OBI1: variants seen among roughly 807,000 people sequenced by gnomAD.
The protein encoded by OBI1 is ring finger protein 219.
OBI1 carries 59 observed loss-of-function variants against 62.4 expected under a neutral mutation model. The observed-to-expected ratio is 0.95, with a 90% confidence interval of 0.77 to 1.17. The LOEUF (loss-of-function observed/expected upper bound fraction) is 1.17. OBI1 is among the 50% of genes most tolerant of loss of function. The pLI is 0.00. For missense variants in OBI1, 875 were observed against 830.9 expected, an observed-to-expected ratio of 1.05 and a Z score of -0.65; for synonymous variants, 302 against 292.8, an observed-to-expected ratio of 1.03 and a Z score of -0.32.
At chr13:78,623,444 T>G (rs929248921) in intron 5 of OBI1, among the ~76,000 whole-genome samples, 7 of 152,132 alleles carry the variant, frequency 4.6e-5, no homozygotes, top group African/African-American at 1.7e-4. Flanking sequence ...GCTATATGCT[T>G]GATATATATT....
chr13:78,647,425 C>T (rs1876417891), intron 1 of OBI1, among the ~76,000 whole-genome samples: 2 of 152,214 alleles, frequency 1.3e-5, no homozygotes, highest in Non-Finnish European at 2.9e-5. Flanking sequence ...TACTCTTTAC[C>T]CCAATGAGAT....
intron 5 of OBI1, among the ~76,000 whole-genome samples, chr13:78,629,520 A>G (rs1325511096): frequency 1.3e-5 from 2 of 152,128 alleles, no homozygotes; most frequent in African/African-American, 4.8e-5. Context: ...ACATGGAGAG[A>G]GGGCACAGAA....
chr13:78,646,806 G>A (rs1876398680), intron 1 of OBI1, among the ~76,000 whole-genome samples: 1 of 152,140 alleles, frequency 6.6e-6, no homozygotes, highest in African/African-American at 2.4e-5. Context: ...CATGACTGTA[G>A]GGAAAAGAAA....
chr13:78,624,665 T>C (rs747861490), intron 5 of OBI1, among the ~76,000 whole-genome samples: 1 of 152,184 alleles, frequency 6.6e-6, no homozygotes, highest in Non-Finnish European at 1.5e-5. Context: ...AAAAATGACC[T>C]GAGTGTTGAA....
chr13:78,652,325 C>T (rs1876566536), intron 1 of OBI1, among the ~76,000 whole-genome samples: 1 of 152,006 alleles, frequency 6.6e-6, no homozygotes, highest in Admixed American at 6.6e-5. Context: ...TAGCACCCAT[C>T]CTCTTCTACC....
chr13:78,656,888 C>T (rs1316567531), intron 1 of OBI1, among the ~76,000 whole-genome samples: 1 of 149,522 alleles, frequency 6.7e-6, no homozygotes, highest in Non-Finnish European at 1.5e-5. Flanking sequence ...ACCTCCGCCT[C>T]CCAGGTTCAA....
At chr13:78,624,545 G>A (rs1446231193) in intron 5 of OBI1, among the ~76,000 whole-genome samples, 1 of 152,126 alleles carries the variant, frequency 6.6e-6, no homozygotes, top group Non-Finnish European at 1.5e-5. Flanking sequence ...ACGGCTCACT[G>A]CAGAACAAAA....
intron 5 of OBI1, among the ~76,000 whole-genome samples, chr13:78,632,330 G>C (rs1875878185): frequency 6.6e-6 from 1 of 152,104 alleles, no homozygotes; most frequent in Non-Finnish European, 1.5e-5. Context: ...CTCCAAAACT[G>C]TGGGAAAATA....
chr13:78,636,371 A>G (rs950236154), intron 4 of OBI1, among the ~76,000 whole-genome samples: 1 of 152,236 alleles, frequency 6.6e-6, no homozygotes, highest in Non-Finnish European at 1.5e-5. Context: ...AAATTCTTTG[A>G]CCAGAACATT....
intron 5 of OBI1, among the ~76,000 whole-genome samples, chr13:78,629,107 C>A (rs1226503470): frequency 6.6e-6 from 1 of 152,070 alleles, no homozygotes; most frequent in Non-Finnish European, 1.5e-5. Context: ...ATCTTAATAA[C>A]AGAAAATATT....
chr13:78,648,197 T>C (rs1876440977), intron 1 of OBI1, among the ~76,000 whole-genome samples: 1 of 151,928 alleles, frequency 6.6e-6, no homozygotes, highest in Non-Finnish European at 1.5e-5. Context: ...TTTAATTTCA[T>C]CTTTATGTCA....
At chr13:78,631,392 G>A (rs578052343) in intron 5 of OBI1, among the ~76,000 whole-genome samples, 1 of 152,294 alleles carries the variant, frequency 6.6e-6, no homozygotes, top group African/African-American at 2.4e-5. Flanking sequence ...TTAGGGGTCA[G>A]AGAGAGTATT....
intron 5 of OBI1, among the ~76,000 whole-genome samples, chr13:78,619,710 G>A (rs1368489193): frequency 1.3e-5 from 2 of 152,100 alleles, no homozygotes; most frequent in African/African-American, 4.8e-5. Flanking sequence ...TCCCACGTTA[G>A]AATAGAAGCT....
intron 1 of OBI1, among the ~76,000 whole-genome samples, chr13:78,658,315 G>C (rs1192823406): frequency 6.6e-6 from 1 of 152,110 alleles, no homozygotes; most frequent in Non-Finnish European, 1.5e-5. Flanking sequence ...AATGAAAGAG[G>C]AGAGGAATGC....
At chr13:78,633,180 T>C (rs745645062) in intron 5 of OBI1, among the ~76,000 whole-genome samples, 2 of 152,188 alleles carry the variant, frequency 1.3e-5, no homozygotes, top group African/African-American at 2.4e-5. Flanking sequence ...CAATAAATGA[T>C]AGGCATAGAG....
At chr13:78,648,782 G>A (rs192219646) in intron 1 of OBI1, among the ~76,000 whole-genome samples, 1 of 152,072 alleles carries the variant, frequency 6.6e-6, no homozygotes, top group African/African-American at 2.4e-5. Flanking sequence ...TCTTAGTGGC[G>A]TGTGCCTGTA....
At chr13:78,630,335 C>A (rs1875807008) in intron 5 of OBI1, among the ~76,000 whole-genome samples, 1 of 152,124 alleles carries the variant, frequency 6.6e-6, no homozygotes, top group Non-Finnish European at 1.5e-5. Flanking sequence ...CTCCCATTTA[C>A]TCATAACACA....
intron 5 of OBI1, among the ~76,000 whole-genome samples, chr13:78,631,458 G>A (rs912726979): frequency 1.3e-5 from 2 of 152,096 alleles, no homozygotes; most frequent in Non-Finnish European, 2.9e-5. Flanking sequence ...CATTATTTCT[G>A]GGTTGGCAAG....
At chr13:78,642,651 G>A (rs1404600255) in intron 2 of OBI1, among the ~76,000 whole-genome samples, 5 of 152,162 alleles carry the variant, frequency 3.3e-5, no homozygotes, top group South Asian at 2.1e-4. Flanking sequence ...TTGGGAGGCC[G>A]AGGCGGGCGG....
Sources: allele counts gnomAD v4.1 joint callset (sites outside exome capture counted in the v4.1 genomes callset), GRCh38; gene constraint gnomAD v4.1.1; transcripts MANE v1.5; gene names NCBI Gene and HGNC (gene_info 2026-07-23, HGNC 2026-07-21).